Variants in LIMCH1 observed in about 807,000 individuals in gnomAD.
The protein encoded by LIMCH1 is LIM and calponin homology domains-containing protein 1.
Under a neutral mutation model 176.5 loss-of-function variants are expected in LIMCH1, and 113 were observed. The ratio of observed to expected loss-of-function variants is 0.64; its 90% CI spans 0.55 to 0.75. LIMCH1 has a LOEUF of 0.75. LIMCH1 is among the 30% of genes least tolerant of loss of function. The pLI is 0.00. For missense variants in LIMCH1, 1,674 were observed against 1,814.9 expected, an observed-to-expected ratio of 0.92 and a Z score of 1.41; for synonymous variants, 619 against 645.9, an observed-to-expected ratio of 0.96 and a Z score of 0.63.
At chr4:41,373,228 G>A (rs1329147651) in intron 1 of LIMCH1, among the ~76,000 whole-genome samples, 2 of 152,186 alleles carry the variant, frequency 1.3e-5, no homozygotes, top group Non-Finnish European at 2.9e-5. Flanking sequence ...ATGAGCAGGG[G>A]TTGGCCATGC....
At chr4:41,571,672 G>C (rs903077054) in intron 1 of LIMCH1, among the ~76,000 whole-genome samples, 2 of 152,288 alleles carry the variant, frequency 1.3e-5, no homozygotes, top group East Asian at 3.9e-4. Flanking sequence ...AGTGCATTTT[G>C]AGGGTGAGCA....
Position 41,606,005 on chromosome 4 carries a change from G to A in LIMCH1, c.9+1G>A. 4 of 1,606,598 alleles carry A rather than the reference G, an allele frequency of 2.5e-6. No homozygotes were observed. The highest frequency in any genetic ancestry group is 3.4e-6 in the Non-Finnish European group (4 of 1,173,548). Reference sequence around the variant, plus strand: ...AGGATTGTTGGCTCAGATGCGAAAGGTAACTTGGCTTTTCTTCTTTATCCC... The same window carrying A: ...AGGATTGTTGGCTCAGATGCGAAAGATAACTTGGCTTTTCTTCTTTATCCC... On this transcript the variant is annotated splice_donor_variant, in intron 4 of 31. Coordinates refer to ENST00000503057, the MANE Select transcript of LIMCH1 (RefSeq NM_001330672.2). LOFTEE classifies it high-confidence loss of function.
intron 5 of LIMCH1, among the ~76,000 whole-genome samples, chr4:41,616,059 T>A (rs1289855550): frequency 6.6e-6 from 1 of 152,112 alleles, no homozygotes. Context: ...TGGGCTTCAT[T>A]GAAGAGGAAA....
At chr4:41,399,961 C>T (rs923411012) in intron 1 of LIMCH1, among the ~76,000 whole-genome samples, 7 of 149,426 alleles carry the variant, frequency 4.7e-5, no homozygotes, top group South Asian at 4.3e-4. Context: ...GGATTACAGG[C>T]GTGAGCCACC....
At chr4:41,481,219 T>A (rs2068559917) in intron 1 of LIMCH1, among the ~76,000 whole-genome samples, 1 of 152,246 alleles carries the variant, frequency 6.6e-6, no homozygotes, top group Admixed American at 6.5e-5. Flanking sequence ...ACTTCTGTGC[T>A]GTTTCTTTGC....
Position 41,653,334 on chromosome 4 carries a change from G to GT in LIMCH1, c.3036+2728dup, listed in dbSNP as rs1212055644. Among the ~76,000 whole-genome samples the GT allele has an allele frequency of 2.6e-3, 261 of 99,376 alleles. 2 individuals carry two copies. Among genetic ancestry groups the GT allele is most frequent in the African/African-American group, 0.011 (252 of 22,866 alleles). 65.2% of individuals were successfully genotyped at this position (99,376 alleles called of 152,430 possible). A position where few individuals can be genotyped will look rare whatever the true frequency, so the allele number is the denominator to read the frequency against. On this transcript the variant is annotated intron_variant, in intron 18 of 31. Coordinates refer to ENST00000503057, the MANE Select transcript of LIMCH1 (RefSeq NM_001330672.2). ...ACTGTGTTACAGCCGGTATACTCCTGTTAAAAAAAAAAAAAAAGGAATTAA... is the reference window on the plus strand; with the variant it reads ...ACTGTGTTACAGCCGGTATACTCCTGTTTAAAAAAAAAAAAAAAGGAATTAA...
At chr4:41,507,269 C>A (rs977853639) in intron 2 of LIMCH1, among the ~76,000 whole-genome samples, 5 of 152,108 alleles carry the variant, frequency 3.3e-5, no homozygotes, top group Non-Finnish European at 4.4e-5. Flanking sequence ...GGATTGAAAC[C>A]GGGATTTTTA....
intron 1 of LIMCH1, among the ~76,000 whole-genome samples, chr4:41,412,024 A>G (rs147606476): frequency 6.6e-6 from 1 of 150,406 alleles, no homozygotes; most frequent in Non-Finnish European, 1.5e-5. Flanking sequence ...TGTTACATGG[A>G]TCACAGAGAA....
intron 18 of LIMCH1, among the ~76,000 whole-genome samples, chr4:41,654,531 G>A (rs2094409200): frequency 6.6e-6 from 1 of 152,208 alleles, no homozygotes; most frequent in African/African-American, 2.4e-5. Flanking sequence ...TGTAAGTCAT[G>A]GAACGTCTGT....
chr4:41,535,162 CAAAAAAAAAAAA>C (rs61639965), upstream of LIMCH1, among the ~76,000 whole-genome samples: 1 of 83,984 alleles, frequency 1.2e-5, no homozygotes, highest in Non-Finnish European at 2.5e-5. Flanking sequence ...GACCCTGTCA[CAAAAAAAAAAAA>C]AAAAAAAAAA....
intron 1 of LIMCH1, among the ~76,000 whole-genome samples, chr4:41,493,522 A>T (rs923759390): frequency 1.3e-5 from 2 of 152,074 alleles, no homozygotes; most frequent in African/African-American, 4.8e-5. Context: ...CTGTTTATAT[A>T]GCATTTATAT....
At chr4:41,680,164 C>T (rs1057014045) in intron 24 of LIMCH1, 66 bp downstream of exon 24, 1 of 1,077,456 alleles carries the variant, frequency 9.3e-7, no homozygotes, top group South Asian at 1.4e-5. Context: ...GCAACACTCT[C>T]TGTGTCTGTG....
At chr4:41,532,450 C>G (rs963077449) in intron 3 of LIMCH1, among the ~76,000 whole-genome samples, 1 of 152,188 alleles carries the variant, frequency 6.6e-6, no homozygotes, top group Non-Finnish European at 1.5e-5. Context: ...AAGTAACATT[C>G]GAGTAACATT....
chr4:41,448,816 G>A (rs1490196174), intron 1 of LIMCH1, among the ~76,000 whole-genome samples: 4 of 151,872 alleles, frequency 2.6e-5, no homozygotes, highest in African/African-American at 7.3e-5. Context: ...AGGCTGATAC[G>A]GTGGTCTCCA....
chr4:41,374,917 C>A (rs1399944976), intron 1 of LIMCH1, among the ~76,000 whole-genome samples: 1 of 152,218 alleles, frequency 6.6e-6, no homozygotes, highest in African/African-American at 2.4e-5. Flanking sequence ...AAAGAGGACA[C>A]ATTCTCATTC....
At chr4:41,666,493 T>G (rs1585591529) in intron 20 of LIMCH1, 68 bp from the exon 21 acceptor site, 5 of 930,724 alleles carry the variant, frequency 5.4e-6, no homozygotes, top group Admixed American at 1.8e-5. Context: ...ATCCTTAAAT[T>G]GTGTGTCACC....
At chr4:41,404,867 T>G (rs1335786756) in intron 1 of LIMCH1, among the ~76,000 whole-genome samples, 1 of 152,184 alleles carries the variant, frequency 6.6e-6, no homozygotes, top group Non-Finnish European at 1.5e-5. Context: ...GTTCATTCTC[T>G]TCTTCATTCT....
At chr4:41,523,837 A>G (rs538435901) in intron 2 of LIMCH1, among the ~76,000 whole-genome samples, 1 of 152,314 alleles carries the variant, frequency 6.6e-6, no homozygotes, top group South Asian at 2.1e-4. Context: ...ACTCTTGGTT[A>G]GCCTTGTTTA....
rs115396117 is a variant in LIMCH1, at chr4:41,624,429, A to C, written c.726-2279A>C. Among the ~76,000 whole-genome samples, 1,201 of 152,164 alleles carry C rather than the reference A, an allele frequency of 7.9e-3. 21 individuals carry two copies. Among genetic ancestry groups the C allele is most frequent in the African/African-American group, 0.028 (1,153 of 41,524 alleles). On this transcript the variant is annotated intron_variant, in intron 7 of 31. Coordinates refer to ENST00000503057, the MANE Select transcript of LIMCH1 (RefSeq NM_001330672.2). Reference sequence around the variant, plus strand: ...AGCCCTCCTTACCAAACGCCGGTTCACCGTGGCTGCTGAACAGATCCTTGG... The same window carrying C: ...AGCCCTCCTTACCAAACGCCGGTTCCCCGTGGCTGCTGAACAGATCCTTGG...
Sources: allele counts gnomAD v4.1 joint callset (sites outside exome capture counted in the v4.1 genomes callset), GRCh38; gene constraint gnomAD v4.1.1; transcripts MANE v1.5; gene names NCBI Gene and HGNC (gene_info 2026-07-23, HGNC 2026-07-21).